The following PTPRR variants were observed in gnomAD, a reference collection of about 807,000 sequenced individuals.
The protein encoded by PTPRR is receptor-type tyrosine-protein phosphatase R.
PTPRR carries 38 observed loss-of-function variants against 77.2 expected under a neutral mutation model. The observed-to-expected ratio is 0.49, with a 90% CI of 0.38 to 0.65. The LOEUF (loss-of-function observed/expected upper bound fraction) is 0.65, where lower values mean the gene tolerates loss of function less well. Among genes scored for constraint, PTPRR ranks in the 30% least tolerant of loss-of-function variants. PTPRR has a pLI of 0.00. For missense variants in PTPRR, 744 were observed against 799.2 expected (o/e 0.93, Z 0.83); for synonymous variants, 299 against 283.1 (o/e 1.06, Z -0.57).
At chr12:70,876,402 T>C (rs939747272) in intron 2 of PTPRR, among the ~76,000 whole-genome samples, 1 of 152,188 alleles carries the variant, frequency 6.6e-6, no homozygotes, top group Non-Finnish European at 1.5e-5. Context: ...GAAATAGATG[T>C]ACATTGACTC....
At chr12:70,898,743 G>A (rs1247847643) in intron 1 of PTPRR, among the ~76,000 whole-genome samples, 1 of 151,108 alleles carries the variant, frequency 6.6e-6, no homozygotes, top group Non-Finnish European at 1.5e-5. Context: ...ACTGTTAAAA[G>A]TAGAAATCAT....
At position 70,683,325 on chromosome 12, in the gene PTPRR, A is replaced by G. The variant is rs182619076; in HGVS notation, c.1497+802T>C. On this transcript the variant is annotated intron_variant, in intron 10 of 13. Transcript: ENST00000283228. ...CTAAAATGAAAGCGGTACCTCGGAT[A>G]TCAGCCCTCAGGAATATTACAATTG... is the stretch of plus-strand genomic sequence containing the variant. 3.3e-3 allele frequency among the ~76,000 whole-genome samples: 497 copies of G among 152,348 alleles called. 12 individuals are homozygous for G. Among genetic ancestry groups the G allele is most frequent in the Admixed American group, 0.022 (334 of 15,300 alleles).
chr12:70,791,224 C>T (rs1891416916), intron 2 of PTPRR, among the ~76,000 whole-genome samples: 1 of 152,154 alleles, frequency 6.6e-6, no homozygotes, highest in Admixed American at 6.5e-5. Flanking sequence ...ATAGCACCTC[C>T]CCATCTTCCA....
intron 2 of PTPRR, among the ~76,000 whole-genome samples, chr12:70,869,073 T>C (rs1191496353): frequency 6.8e-6 from 1 of 146,652 alleles, no homozygotes; most frequent in Non-Finnish European, 1.5e-5. Context: ...TTAGGAGATA[T>C]ACCTAATGCT....
chr12:70,745,260 T>C (rs12826168), intron 6 of PTPRR, among the ~76,000 whole-genome samples: 12,626 of 152,184 alleles, frequency 0.083, 697 homozygotes, highest in South Asian at 0.13. Flanking sequence ...ACTCCTGGCC[T>C]CAAGTGATCC....
chr12:70,724,836 T>C (rs1889380013), intron 6 of PTPRR, among the ~76,000 whole-genome samples: 1 of 152,148 alleles, frequency 6.6e-6, no homozygotes, highest in Non-Finnish European at 1.5e-5. Flanking sequence ...CATATATATA[T>C]TTATATAATG....
At chr12:70,720,355 T>A (rs1889201867) in intron 6 of PTPRR, among the ~76,000 whole-genome samples, 1 of 152,116 alleles carries the variant, frequency 6.6e-6, no homozygotes, top group African/African-American at 2.4e-5. Flanking sequence ...GAGGTGGATA[T>A]GAGGAGGAAA....
intron 8 of PTPRR, among the ~76,000 whole-genome samples, chr12:70,688,922 G>A (rs1199570793): frequency 1.3e-5 from 2 of 152,136 alleles, no homozygotes. Flanking sequence ...TATGCTAAAT[G>A]AAATAAGCCA....
chr12:70,639,346 T>C (rs1885908405), intron 13 of PTPRR, 69 bp from the exon 14 acceptor site: 1 of 1,541,874 alleles, frequency 6.5e-7, no homozygotes, highest in Admixed American at 1.7e-5. Flanking sequence ...CACAGAGATT[T>C]CATCCAAGCT....
chr12:70,666,935 G>GTTTTTTT (rs142691396), intron 10 of PTPRR, among the ~76,000 whole-genome samples: 543 of 29,012 alleles, frequency 0.019, 210 homozygotes, highest in Non-Finnish European at 0.041. Context: ...GTGTTTTTCT[G>GTTTTTTT]TTTTTTTTTT....
chr12:70,784,575 C>T (rs1370621426), intron 2 of PTPRR, among the ~76,000 whole-genome samples: 1 of 152,234 alleles, frequency 6.6e-6, no homozygotes, highest in Middle Eastern at 3.2e-3. Flanking sequence ...TTCTGTCTGC[C>T]TCCTCCCAGT....
chr12:70,670,974 A>G (rs1887201265), intron 10 of PTPRR, among the ~76,000 whole-genome samples: 1 of 152,218 alleles, frequency 6.6e-6, no homozygotes, highest in African/African-American at 2.4e-5. Flanking sequence ...TATTGGAGTT[A>G]TTAAATAAGA....
At chr12:70,655,697 C>G (rs1429897922) in intron 13 of PTPRR, among the ~76,000 whole-genome samples, 1 of 152,136 alleles carries the variant, frequency 6.6e-6, no homozygotes, top group Non-Finnish European at 1.5e-5. Context: ...AGCATTTAAA[C>G]TGACAGAGAC....
chr12:70,801,709 C>A (rs1891618109), intron 2 of PTPRR, among the ~76,000 whole-genome samples: 1 of 152,050 alleles, frequency 6.6e-6, no homozygotes, highest in African/African-American at 2.4e-5. Context: ...GACTTCTCAA[C>A]CTCCATAACC....
intron 6 of PTPRR, among the ~76,000 whole-genome samples, chr12:70,742,524 G>T (rs1176583503): frequency 1.3e-5 from 2 of 152,166 alleles, no homozygotes; most frequent in African/African-American, 4.8e-5. Context: ...AGGAAATAGG[G>T]GTCAACATAG....
intron 11 of PTPRR, chr12:70,661,338 T>G: frequency 2.0e-6 from 1 of 501,896 alleles, no homozygotes; most frequent in East Asian, 4.0e-5. Context: ...TACCTATAGT[T>G]ATAATATAGA....
At chr12:70,720,661 T>G (rs1889217767) in intron 6 of PTPRR, among the ~76,000 whole-genome samples, 1 of 151,930 alleles carries the variant, frequency 6.6e-6, no homozygotes, top group Non-Finnish European at 1.5e-5. Context: ...TTTTTGTATT[T>G]TTAGTAGAGA....
intron 2 of PTPRR, among the ~76,000 whole-genome samples, chr12:70,794,935 T>C (rs1043208403): frequency 1.3e-5 from 2 of 152,172 alleles, no homozygotes; most frequent in Non-Finnish European, 2.9e-5. Flanking sequence ...ACCCTTCTTA[T>C]GACAGCAAGT....
intron 2 of PTPRR, among the ~76,000 whole-genome samples, chr12:70,846,996 G>T (rs914285508): frequency 2.0e-5 from 3 of 151,984 alleles, no homozygotes; most frequent in Non-Finnish European, 4.4e-5. Context: ...CTGGCATGGG[G>T]ATCTTTCCTG....
Sources: gnomAD v4.1 joint callset for allele counts (sites outside exome capture counted in the v4.1 genomes callset) on GRCh38, gnomAD v4.1.1 for gene constraint, MANE v1.5 for transcripts, NCBI Gene and HGNC (gene_info 2026-07-23, HGNC 2026-07-21) for gene names.